The following PLD1 variants were observed in gnomAD, a reference collection of about 807,000 sequenced individuals.
PLD1 encodes choline phosphatase 1.
Under a neutral mutation model 137.1 loss-of-function variants are expected in PLD1, and 112 were observed. The observed-to-expected ratio is 0.82, with a 90% confidence interval of 0.70 to 0.96. The LOEUF (loss-of-function observed/expected upper bound fraction) is 0.96. Ranked by LOEUF, PLD1 falls within the 40% of genes least tolerant of loss-of-function variation. The pLI is 0.00. For synonymous variants in PLD1, 431 were observed against 454.7 expected, an observed-to-expected ratio of 0.95 and a Z score of 0.66; for missense variants, 1,321 against 1,342.0, an observed-to-expected ratio of 0.98 and a Z score of 0.24.
At chr3:171,760,970 G>A (rs963459200) in intron 1 of PLD1, among the ~76,000 whole-genome samples, 15 of 152,178 alleles carry the variant, frequency 9.9e-5, no homozygotes, top group East Asian at 5.8e-4. Flanking sequence ...CTTTTTGATC[G>A]GGTAATCACA....
chr3:171,720,564 C>T (rs1718055987), intron 8 of PLD1, among the ~76,000 whole-genome samples: 1 of 147,998 alleles, frequency 6.8e-6, no homozygotes, highest in Non-Finnish European at 1.5e-5. Context: ...GCCTAGGCGA[C>T]AGAGCAAGAC....
At chr3:171,741,062 T>C (rs1719742081) in intron 1 of PLD1, among the ~76,000 whole-genome samples, 1 of 152,240 alleles carries the variant, frequency 6.6e-6, no homozygotes, top group Non-Finnish European at 1.5e-5. Context: ...TGTCCTCTAC[T>C]TTAGTCACCA....
At chr3:171,734,684 A>G (rs1269998792) in intron 5 of PLD1, among the ~76,000 whole-genome samples, 181 bp downstream of exon 5, 1 of 152,176 alleles carries the variant, frequency 6.6e-6, no homozygotes, top group Admixed American at 6.5e-5. Context: ...GAGAAAATGC[A>G]CTGTATGGCT....
At chr3:171,705,355 A>G (rs1204392675) in intron 11 of PLD1, among the ~76,000 whole-genome samples, 1 of 152,230 alleles carries the variant, frequency 6.6e-6, no homozygotes, top group Non-Finnish European at 1.5e-5. Flanking sequence ...AAACTGCTGA[A>G]AACTAAAGAC....
intron 1 of PLD1, among the ~76,000 whole-genome samples, chr3:171,762,820 T>C (rs1578432113): frequency 6.6e-6 from 1 of 152,210 alleles, no homozygotes; most frequent in African/African-American, 2.4e-5. Context: ...ATGTAGAAGA[T>C]ATTACTAGAC....
chr3:171,782,976 T>A (rs1722850154), intron 1 of PLD1, among the ~76,000 whole-genome samples: 1 of 152,116 alleles, frequency 6.6e-6, no homozygotes, highest in South Asian at 2.1e-4. Context: ...GGATGCACGT[T>A]TGTCCATGGT....
At chr3:171,754,858 GA>G (rs1720905925) in intron 1 of PLD1, among the ~76,000 whole-genome samples, 1 of 152,106 alleles carries the variant, frequency 6.6e-6, no homozygotes, top group Non-Finnish European at 1.5e-5. Flanking sequence ...TTAAAACCAG[GA>G]AATCTCCATC....
In PLD1 at chr3:171,734,860, C is replaced by T; in HGVS notation, c.540+5G>A. 6.4e-7 allele frequency: 1 copy of T among 1,565,022 alleles called. No individual in the cohort carries two copies. Among genetic ancestry groups the T allele is most frequent in the South Asian group, 1.1e-5 (1 of 89,958 alleles). On this transcript the variant is annotated splice_donor_5th_base_variant and intron_variant, in intron 5 of 26. Coordinates refer to ENST00000351298, the MANE Select transcript of PLD1 (RefSeq NM_002662.5). Reference sequence around the variant, plus strand: ...TTAAAACCACAGAATAGTGAAGAAACTTACTCTTCTACCAAGGAATTGTTC... The same window carrying T: ...TTAAAACCACAGAATAGTGAAGAAATTTACTCTTCTACCAAGGAATTGTTC...
At chr3:171,780,606 A>G (rs1246359713) in intron 1 of PLD1, among the ~76,000 whole-genome samples, 3 of 152,202 alleles carry the variant, frequency 2.0e-5, no homozygotes, top group Admixed American at 1.3e-4. Flanking sequence ...GACAGAAGCC[A>G]GGTGAAAAGA....
chr3:171,615,579 A>G (rs774196229), intron 24 of PLD1, among the ~76,000 whole-genome samples: 2 of 152,248 alleles, frequency 1.3e-5, no homozygotes, highest in Non-Finnish European at 2.9e-5. Context: ...GTTTTCCTAA[A>G]CAACAAAAAA....
In PLD1 at chr3:171,719,314, A is replaced by C. The variant is rs184397063; in HGVS notation, c.759-5269T>G. Among the ~76,000 whole-genome samples the C allele has an allele frequency of 2.0e-5, 3 of 152,222 alleles. No homozygotes were observed. In the East Asian group the frequency reaches 5.8e-4, roughly 29 times the overall value. On this transcript the variant is annotated intron_variant, in intron 8 of 26. Coordinates refer to ENST00000351298, the MANE Select transcript of PLD1 (RefSeq NM_002662.5). ...TTTAGCTTCTTTGTAGCACATCTGG[A>C]AGTATTTGTCTTCTTGTTTATTGTC... is the stretch of plus-strand genomic sequence containing the variant.
chr3:171,696,069 C>G (rs1446636432), intron 12 of PLD1, among the ~76,000 whole-genome samples: 1 of 152,138 alleles, frequency 6.6e-6, no homozygotes, highest in Admixed American at 6.5e-5. Flanking sequence ...ACAACTTTCC[C>G]TTTTATTGGT....
chr3:171,617,404 T>C (rs1733207301), intron 24 of PLD1, among the ~76,000 whole-genome samples: 1 of 152,198 alleles, frequency 6.6e-6, no homozygotes, highest in Non-Finnish European at 1.5e-5. Flanking sequence ...GCAACATCCA[T>C]CCTAGTGTTT....
chr3:171,737,291 G>GC (rs1309988046), intron 3 of PLD1, among the ~76,000 whole-genome samples: 1 of 152,204 alleles, frequency 6.6e-6, no homozygotes, highest in African/African-American at 2.4e-5. Flanking sequence ...TGCCTTACAT[G>GC]CCTTTTTAAA....
chr3:171,797,582 G>A (rs1723481194), intron 1 of PLD1, among the ~76,000 whole-genome samples: 1 of 152,082 alleles, frequency 6.6e-6, no homozygotes, highest in Non-Finnish European at 1.5e-5. Context: ...TCCCCAGAGG[G>A]CAGTTGCTCC....
At chr3:171,772,911 T>C (rs917744044) in intron 1 of PLD1, among the ~76,000 whole-genome samples, 1 of 152,232 alleles carries the variant, frequency 6.6e-6, no homozygotes, top group African/African-American at 2.4e-5. Context: ...ATGATTTGCA[T>C]GCCCAAGGAA....
intron 11 of PLD1, among the ~76,000 whole-genome samples, chr3:171,708,417 A>G (rs772263856): frequency 8.5e-5 from 13 of 152,220 alleles, no homozygotes; most frequent in Admixed American, 5.2e-4. Flanking sequence ...CATGACAGAC[A>G]TACCAAAATT....
chr3:171,802,700 A>G (rs1053180027), intron 1 of PLD1, among the ~76,000 whole-genome samples: 1 of 152,236 alleles, frequency 6.6e-6, no homozygotes, highest in African/African-American at 2.4e-5. Context: ...GTCTCCCTGC[A>G]ACACGCTAGC....
intron 23 of PLD1, among the ~76,000 whole-genome samples, chr3:171,622,712 G>A (rs1432256966): frequency 6.6e-6 from 1 of 150,794 alleles, no homozygotes; most frequent in Non-Finnish European, 1.5e-5. Flanking sequence ...TGCCTTGGAA[G>A]TATCAGCCAA....
Sources: gnomAD v4.1 joint callset for allele counts (sites outside exome capture counted in the v4.1 genomes callset) on GRCh38, gnomAD v4.1.1 for gene constraint, MANE v1.5 for transcripts, NCBI Gene and HGNC (gene_info 2026-07-23, HGNC 2026-07-21) for gene names.